The following PTPRD variants were observed in gnomAD, a reference collection of about 807,000 sequenced individuals.
PTPRD encodes the protein protein tyrosine phosphatase receptor type D, also known as receptor-type tyrosine-protein phosphatase delta.
PTPRD carries 34 observed loss-of-function variants against 214.5 expected under a neutral mutation model. The observed-to-expected ratio is 0.16, with a 90% CI of 0.12 to 0.21. The LOEUF (loss-of-function observed/expected upper bound fraction) is 0.21, where lower values mean the gene tolerates loss of function less well. PTPRD is among the 10% of genes least tolerant of loss of function. The pLI, the probability that PTPRD is intolerant of heterozygous loss-of-function variation, is 1.00. For synonymous variants in PTPRD, 1,128 were observed against 845.7 expected (o/e 1.33, Z -5.79); for missense variants, 2,545 against 2,398.7 (o/e 1.06, Z -1.27).
At chr9:9,765,719 G>T (rs772557301) in intron 6 of PTPRD, among the ~76,000 whole-genome samples, 39 of 152,176 alleles carry the variant, frequency 2.6e-4, no homozygotes, top group Non-Finnish European at 4.7e-4. Flanking sequence ...GGAGTGCAGT[G>T]GCATGATCTC....
At chr9:10,311,824 G>A (rs890520103) in intron 3 of PTPRD, among the ~76,000 whole-genome samples, 5 of 151,970 alleles carry the variant, frequency 3.3e-5, no homozygotes, top group Admixed American at 2.6e-4. Context: ...TTAACCACAC[G>A]CGGTAATTCT....
chr9:10,589,198 A>G (rs1567089824), intron 2 of PTPRD, among the ~76,000 whole-genome samples: 1 of 152,042 alleles, frequency 6.6e-6, no homozygotes, highest in Non-Finnish European at 1.5e-5. Context: ...GGATTTCAGA[A>G]ATGTCTGTGT....
intron 4 of PTPRD, among the ~76,000 whole-genome samples, chr9:9,991,777 C>T (rs538532305): frequency 1.4e-4 from 21 of 151,986 alleles, no homozygotes; most frequent in Non-Finnish European, 2.8e-4. Flanking sequence ...TTCCACAAGT[C>T]ATTGTCAAAA....
intron 5 of PTPRD, among the ~76,000 whole-genome samples, chr9:9,934,815 C>T (rs1016793548): frequency 2.6e-5 from 4 of 151,876 alleles, no homozygotes; most frequent in Non-Finnish European, 5.9e-5. Context: ...AATATTGATG[C>T]AAAAATCCTC....
intron 8 of PTPRD, among the ~76,000 whole-genome samples, chr9:9,434,408 A>G (rs1569568289): frequency 6.6e-6 from 1 of 152,202 alleles, no homozygotes; most frequent in Non-Finnish European, 1.5e-5. Flanking sequence ...ATGCATTGGA[A>G]GAATGAATAA....
intron 9 of PTPRD, among the ~76,000 whole-genome samples, chr9:9,386,305 T>C (rs1425202634): frequency 6.6e-6 from 1 of 152,116 alleles, no homozygotes; most frequent in Non-Finnish European, 1.5e-5. Flanking sequence ...GTTGCTGACC[T>C]GCTAAAATGC....
chr9:8,560,947 C>T (rs543932501), intron 14 of PTPRD, among the ~76,000 whole-genome samples: 7 of 151,610 alleles, frequency 4.6e-5, no homozygotes, highest in Admixed American at 2.0e-4. Context: ...AAAAACACTC[C>T]GTAGACATGG....
At chr9:10,314,565 T>C (rs1395246291) in intron 3 of PTPRD, among the ~76,000 whole-genome samples, 1 of 151,966 alleles carries the variant, frequency 6.6e-6, no homozygotes, top group Non-Finnish European at 1.5e-5. Context: ...AATGCATTCC[T>C]GAAGTTTGGG....
chr9:9,758,550 T>A (rs777128450), intron 6 of PTPRD, among the ~76,000 whole-genome samples: 1 of 152,046 alleles, frequency 6.6e-6, no homozygotes, highest in African/African-American at 2.4e-5. Flanking sequence ...AGAAAGTACA[T>A]AAAGCCAAAG....
chr9:10,462,445 A>G (rs1290006048), intron 2 of PTPRD, among the ~76,000 whole-genome samples: 1 of 152,180 alleles, frequency 6.6e-6, no homozygotes, highest in African/African-American at 2.4e-5. Context: ...CACCAAACAC[A>G]CACATCTTGT....
intron 2 of PTPRD, among the ~76,000 whole-genome samples, chr9:10,405,892 A>G (rs1288676495): frequency 6.6e-6 from 1 of 151,506 alleles, no homozygotes; most frequent in East Asian, 2.0e-4. Context: ...AAAGGAATAA[A>G]AACTTAAAGA....
At chr9:8,559,486 A>C (rs906373891) in intron 14 of PTPRD, among the ~76,000 whole-genome samples, 1 of 152,202 alleles carries the variant, frequency 6.6e-6, no homozygotes, top group African/African-American at 2.4e-5. Flanking sequence ...GTTTATGCTT[A>C]TTTCATCTGA....
intron 5 of PTPRD, among the ~76,000 whole-genome samples, chr9:9,893,443 G>A (rs904658950): frequency 6.6e-6 from 1 of 151,886 alleles, no homozygotes; most frequent in Non-Finnish European, 1.5e-5. Flanking sequence ...CATTTACCAA[G>A]CAAATAGAAA....
intron 4 of PTPRD, among the ~76,000 whole-genome samples, chr9:9,949,033 T>C (rs2093145273): frequency 6.6e-6 from 1 of 151,948 alleles, no homozygotes; most frequent in Non-Finnish European, 1.5e-5. Context: ...GGGTGAAGAA[T>C]ACGAGAAAAC....
chr9:9,259,214 C>G (rs1353431951), intron 9 of PTPRD, among the ~76,000 whole-genome samples: 1 of 151,812 alleles, frequency 6.6e-6, no homozygotes. Context: ...GGACTAGAAC[C>G]TAGGCTTCTT....
At chr9:10,450,002 C>T (rs370220571) in intron 2 of PTPRD, among the ~76,000 whole-genome samples, 4 of 151,556 alleles carry the variant, frequency 2.6e-5, no homozygotes, top group East Asian at 3.9e-4. Flanking sequence ...GGATTAAGGG[C>T]GGTGCAAGAT....
At chr9:8,517,354 A>C (rs2097798662) in intron 21 of PTPRD, among the ~76,000 whole-genome samples, 1 of 152,222 alleles carries the variant, frequency 6.6e-6, no homozygotes, top group South Asian at 2.1e-4. Context: ...ATACAGAGAA[A>C]AACAGAAATT....
At chr9:8,463,524 G>C (rs566388246) in intron 32 of PTPRD, among the ~76,000 whole-genome samples, 3 of 151,976 alleles carry the variant, frequency 2.0e-5, no homozygotes, top group African/African-American at 7.2e-5. Context: ...GAACCTTTAA[G>C]ATAATAATCA....
chr9:9,469,045 T>G (rs1556464), intron 8 of PTPRD, among the ~76,000 whole-genome samples: 27,110 of 152,078 alleles, frequency 0.18, 2,530 homozygotes, highest in Non-Finnish European at 0.22. Flanking sequence ...GCTACATTTG[T>G]GGTCATAAAG....
Sources: allele counts gnomAD v4.1 joint callset (sites outside exome capture counted in the v4.1 genomes callset), GRCh38; gene constraint gnomAD v4.1.1; transcripts MANE v1.5; gene names NCBI Gene and HGNC (gene_info 2026-07-23, HGNC 2026-07-21).